The following SOD2 variants were observed in gnomAD, a reference collection of about 807,000 sequenced individuals.
The protein encoded by SOD2 is superoxide dismutase [Mn], mitochondrial.
In SOD2, 11 loss-of-function variants were observed where a neutral mutation model predicts 27.0. The observed-to-expected ratio is 0.41, with a 90% confidence interval of 0.26 to 0.67. The LOEUF is 0.67. Among genes scored for constraint, SOD2 ranks in the 30% least tolerant of loss-of-function variants. SOD2 has a pLI of 0.34. For synonymous variants in SOD2, 105 were observed against 103.0 expected (o/e 1.02, Z -0.12); for missense variants, 250 against 274.5 (o/e 0.91, Z 0.63).
At chr6:159,716,651 T>C (rs2114832251) in intron 1 of SOD2, among the ~76,000 whole-genome samples, 1 of 152,264 alleles carries the variant, frequency 6.6e-6, no homozygotes, top group Non-Finnish European at 1.5e-5. Context: ...ATCAAGGGCA[T>C]GACGGGAGGG....
intron 1 of SOD2, among the ~76,000 whole-genome samples, chr6:159,724,979 A>G (rs1778119500): frequency 6.6e-6 from 1 of 152,036 alleles, no homozygotes; most frequent in African/African-American, 2.4e-5. Context: ...AAGAAAGGAA[A>G]GGGAAGGAAG....
In SOD2 at chr6:159,692,847, C is replaced by A. The variant is rs926931277; in HGVS notation, c.40G>T (p.Ala14Ser). ...GAGCCCAGATACCCCAAAACCGGAG[C>A]CAGCTGCCTGCTGGTGCTGAAGACG... ...RAVCGTSRQL[A>S]PVLGYLGSRQ... The change falls in exon 2 of 5, where the codon GCT (alanine) becomes TCT (serine). Residue 14 changes from alanine (A) to serine (S), a missense_variant. By Grantham distance (99) the Ala-to-Ser change is moderately conservative. Coordinates refer to ENST00000538183, the MANE Select transcript of SOD2 (RefSeq NM_000636.4). The A allele has an allele frequency of 8.7e-6, 14 of 1,610,020 alleles. No individual in the cohort carries two copies. In the African/African-American group the frequency reaches 1.5e-4, roughly 17 times the overall value.
exon 1 of SOD2, chr6:159,762,051 C>G: frequency 6.2e-7 from 1 of 1,609,344 alleles, no homozygotes; most frequent in Non-Finnish European, 8.5e-7. Context: ...GCCTAGCTTG[C>G]AGGCAGCGCA....
At chr6:159,706,536 G>A (rs1438714782) in intron 1 of SOD2, among the ~76,000 whole-genome samples, 6 of 152,056 alleles carry the variant, frequency 3.9e-5, no homozygotes, top group Non-Finnish European at 7.4e-5. Flanking sequence ...ATTACATAAT[G>A]GTAAAGGGAT....
At chr6:159,719,069 C>T (rs1348049915) in intron 1 of SOD2, among the ~76,000 whole-genome samples, 2 of 151,936 alleles carry the variant, frequency 1.3e-5, no homozygotes, top group East Asian at 3.8e-4. Context: ...TGTTTGCGTC[C>T]ACCCAAAATT....
chr6:159,755,461 C>A, intron 1 of SOD2: 1 of 1,614,092 alleles, frequency 6.2e-7, no homozygotes, highest in Non-Finnish European at 8.5e-7. Context: ...GCAGTGAAAA[C>A]TCTCTCACAC....
intron 1 of SOD2, among the ~76,000 whole-genome samples, chr6:159,733,839 C>G (rs1321375300): frequency 6.6e-6 from 1 of 152,130 alleles, no homozygotes; most frequent in African/African-American, 2.4e-5. Context: ...TTGCTTGAAC[C>G]CAGGAGGCGG....
At chr6:159,753,172 A>T (rs7747055) in intron 1 of SOD2, among the ~76,000 whole-genome samples, 1 of 152,230 alleles carries the variant, frequency 6.6e-6, no homozygotes, top group Non-Finnish European at 1.5e-5. Flanking sequence ...ATTTCAAATG[A>T]TAATTTGAGA....
At chr6:159,729,476 ATTTTCTGCCT>A (rs1301824080), upstream of SOD2, among the ~76,000 whole-genome samples, 1 of 152,214 alleles carries the variant, frequency 6.6e-6, no homozygotes, top group African/African-American at 2.4e-5. Context: ...TGCTGTAAAT[ATTTTCTGCCT>A]TTGAAGATGT....
chr6:159,725,191 C>T (rs575640626), intron 1 of SOD2, among the ~76,000 whole-genome samples: 82 of 152,190 alleles, frequency 5.4e-4, no homozygotes, highest in African/African-American at 1.9e-3. Flanking sequence ...TTCAAAAGCT[C>T]AGAGGGGCCA....
At chr6:159,738,492 A>G (rs1779053283) in intron 1 of SOD2, among the ~76,000 whole-genome samples, 1 of 152,196 alleles carries the variant, frequency 6.6e-6, no homozygotes, top group Non-Finnish European at 1.5e-5. Flanking sequence ...CTGTTAAAGG[A>G]CATTTGGATA....
At chr6:159,706,772 T>C (rs1777635316) in intron 1 of SOD2, among the ~76,000 whole-genome samples, 3 of 152,274 alleles carry the variant, frequency 2.0e-5, no homozygotes, top group Admixed American at 1.3e-4. Context: ...GCGGACCTAA[T>C]AGACACCTAC....
chr6:159,753,201 A>G (rs1374976820), intron 1 of SOD2, among the ~76,000 whole-genome samples: 1 of 152,214 alleles, frequency 6.6e-6, no homozygotes, highest in Non-Finnish European at 1.5e-5. Flanking sequence ...GATGGATTTC[A>G]GAATTGATTA....
chr6:159,737,340 C>T (rs1004815747), intron 1 of SOD2, among the ~76,000 whole-genome samples: 5 of 152,110 alleles, frequency 3.3e-5, no homozygotes, highest in African/African-American at 4.8e-5. Context: ...CATGAGCTGC[C>T]TCTGGCAGCC....
At chr6:159,705,462 T>C (rs11757062) in intron 1 of SOD2, among the ~76,000 whole-genome samples, 59,532 of 150,780 alleles carry the variant, frequency 0.39, 12,502 homozygotes, top group Admixed American at 0.5. Context: ...GCACAAGAAC[T>C]ACGTGACGAA....
chr6:159,705,831 T>C (rs1777615592), intron 1 of SOD2, among the ~76,000 whole-genome samples: 6 of 150,206 alleles, frequency 4.0e-5, no homozygotes, highest in South Asian at 2.1e-4. Context: ...TCACCAAAGT[T>C]GAAATGAAGG....
At position 159,670,023 on chromosome 6, in the gene SOD2, A is replaced by G. The variant is rs1779621492; in HGVS notation, c.*12470T>C. ...AGGAGAATCACTTGTTTTTTGAGAG[A>G]CAGGATCTCTTTCACCCAGACTGGA... is the stretch of plus-strand genomic sequence containing the variant. On this transcript the variant is annotated 3_prime_UTR_variant, in exon 5 of 5. Coordinates refer to ENST00000538183, the MANE Select transcript of SOD2 (RefSeq NM_000636.4). 6.6e-6 allele frequency: 1 copy of G among 152,200 alleles called. No individual in the cohort carries two copies. The highest frequency in any genetic ancestry group is 1.5e-5 in the Non-Finnish European group (1 of 68,036). 9.4% of individuals were successfully genotyped at this position (152,200 alleles called of 1,614,324 possible).
intron 1 of SOD2, among the ~76,000 whole-genome samples, chr6:159,739,717 A>T (rs1779127444): frequency 6.6e-6 from 1 of 152,150 alleles, no homozygotes; most frequent in Non-Finnish European, 1.5e-5. Flanking sequence ...GAGGAGAGAA[A>T]AGATGTTTTG....
intron 1 of SOD2, among the ~76,000 whole-genome samples, chr6:159,759,827 A>G (rs549374572): frequency 5.3e-5 from 8 of 152,348 alleles, no homozygotes; most frequent in Non-Finnish European, 1.0e-4. Context: ...TACCTTCTCA[A>G]GATTGGCTCC....
Sources: gnomAD v4.1 joint callset for allele counts (sites outside exome capture counted in the v4.1 genomes callset) on GRCh38, gnomAD v4.1.1 for gene constraint, MANE v1.5 for transcripts, NCBI Gene and HGNC (gene_info 2026-07-23, HGNC 2026-07-21) for gene names.